KIFAP3: variants seen among roughly 807,000 people sequenced by gnomAD.
KIFAP3 encodes the protein kinesin-associated protein 3.
In KIFAP3, 68 loss-of-function variants were observed where a neutral mutation model predicts 106.5. That is an observed-to-expected ratio of 0.64 (90% CI 0.53 to 0.78). The LOEUF is 0.78. KIFAP3 is among the 30% of genes least tolerant of loss of function. The pLI is 0.00. For missense variants in KIFAP3, 780 were observed against 941.8 expected (o/e 0.83, Z 2.25); for synonymous variants, 320 against 311.5 (o/e 1.03, Z -0.29).
intron 19 of KIFAP3, among the ~76,000 whole-genome samples, chr1:169,938,375 A>G (rs535049393): frequency 2.0e-5 from 3 of 152,044 alleles, no homozygotes; most frequent in Non-Finnish European, 4.4e-5. Flanking sequence ...ATTTTATAAT[A>G]CAAAGCATAT....
At position 169,993,123 on chromosome 1, in the gene KIFAP3, T is replaced by TC. The variant is rs1447532224; in HGVS notation, c.1184-869dup. ...TTTCTGTCCTTTTTTTTTTTTTTTT[T>TC]CAGAGACAGAGTCTCACTCTGTCGC... On this transcript the variant is annotated intron_variant, in intron 10 of 19. Transcript: ENST00000361580. Among the ~76,000 whole-genome samples, 3 of 149,980 alleles carry TC rather than the reference T, an allele frequency of 2.0e-5. No individual in the cohort carries two copies. The East Asian group carries it at 5.8e-4, about 29-fold the overall frequency.
At chr1:170,005,789 A>G (rs1181833751) in intron 10 of KIFAP3, among the ~76,000 whole-genome samples, 1 of 151,302 alleles carries the variant, frequency 6.6e-6, no homozygotes, top group Non-Finnish European at 1.5e-5. Context: ...GCACACCAAC[A>G]TGGCACATGT....
At chr1:170,056,548 A>G (rs1203641606) in intron 1 of KIFAP3, among the ~76,000 whole-genome samples, 1 of 152,232 alleles carries the variant, frequency 6.6e-6, no homozygotes, top group Non-Finnish European at 1.5e-5. Flanking sequence ...CAGTTAGCTG[A>G]CCAGTGGGGT....
At chr1:169,966,430 T>C (rs530708825) in intron 17 of KIFAP3, among the ~76,000 whole-genome samples, 1 of 146,484 alleles carries the variant, frequency 6.8e-6, no homozygotes, top group Non-Finnish European at 1.5e-5. Context: ...TATGTGTGTA[T>C]GGTTCTTTGT....
chr1:170,062,158 A>G (rs1406085556), intron 1 of KIFAP3, among the ~76,000 whole-genome samples: 2 of 151,930 alleles, frequency 1.3e-5, no homozygotes, highest in East Asian at 1.9e-4. Context: ...AACTTAAAGT[A>G]TAATTTAAAA....
chr1:169,942,919 C>CCT (rs397729541), intron 19 of KIFAP3, among the ~76,000 whole-genome samples: 4 of 110,586 alleles, frequency 3.6e-5, no homozygotes, highest in African/African-American at 1.3e-4. Flanking sequence ...CGCCCCCCCC[C>CCT]ACCCCTTTAA....
intron 10 of KIFAP3, among the ~76,000 whole-genome samples, chr1:170,006,513 T>G (rs1043135814): frequency 2.0e-5 from 3 of 152,082 alleles, no homozygotes; most frequent in African/African-American, 7.2e-5. Context: ...GATGATTACA[T>G]GGAATTTATA....
intron 2 of KIFAP3, among the ~76,000 whole-genome samples, chr1:170,051,307 C>T (rs1670563756): frequency 6.6e-6 from 1 of 152,062 alleles, no homozygotes; most frequent in Admixed American, 6.5e-5. Context: ...AATATATATG[C>T]ACCCAATACA....
intron 19 of KIFAP3, among the ~76,000 whole-genome samples, chr1:169,933,710 T>G (rs375660789): frequency 8.5e-5 from 13 of 152,242 alleles, no homozygotes; most frequent in African/African-American, 3.1e-4. Flanking sequence ...TTTTTTCTTC[T>G]TTGTCACTCA....
chr1:170,007,090 T>C (rs1056831705), intron 10 of KIFAP3, among the ~76,000 whole-genome samples: 1 of 152,172 alleles, frequency 6.6e-6, no homozygotes, highest in Non-Finnish European at 1.5e-5. Flanking sequence ...CTGTAACAAA[T>C]ACTGCTCATA....
chr1:169,942,393 CCTT>C (rs542776090), intron 19 of KIFAP3, among the ~76,000 whole-genome samples: 114 of 152,348 alleles, frequency 7.5e-4, no homozygotes, highest in African/African-American at 2.5e-3. Flanking sequence ...CTCCTGCACA[CCTT>C]CTCCTCTTAG....
At chr1:169,952,427 T>C (rs188899678) in intron 19 of KIFAP3, among the ~76,000 whole-genome samples, 3,259 of 152,082 alleles carry the variant, frequency 0.021, 122 homozygotes, top group African/African-American at 0.071. Context: ...TTTACACATA[T>C]ATATAGGTAG....
chr1:169,936,430 C>T (rs1000802809), intron 19 of KIFAP3, among the ~76,000 whole-genome samples: 6 of 151,778 alleles, frequency 4.0e-5, no homozygotes, highest in East Asian at 3.8e-4. Flanking sequence ...GCTGCTGTTT[C>T]GACTAATCCT....
At chr1:169,987,332 T>C (rs1200638772) in intron 11 of KIFAP3, among the ~76,000 whole-genome samples, 1 of 152,058 alleles carries the variant, frequency 6.6e-6, no homozygotes, top group Non-Finnish European at 1.5e-5. Flanking sequence ...AAGTCCCATA[T>C]TGAGTATCAG....
At chr1:170,010,265 T>C (rs1668178443) in intron 10 of KIFAP3, among the ~76,000 whole-genome samples, 1 of 152,036 alleles carries the variant, frequency 6.6e-6, no homozygotes, top group African/African-American at 2.4e-5. Flanking sequence ...TTAGATTTTC[T>C]GCACTCTTAG....
intron 19 of KIFAP3, among the ~76,000 whole-genome samples, chr1:169,928,302 C>T (rs1477157971): frequency 6.6e-6 from 1 of 152,024 alleles, no homozygotes; most frequent in Non-Finnish European, 1.5e-5. Flanking sequence ...GTTTCAGCAT[C>T]TTGGCCAGGC....
rs769527141 is a variant in KIFAP3, at chr1:169,983,276, C to G, written c.1500G>C (p.Leu500=). Residue 500 remains leucine (L), a synonymous_variant, in exon 13 of 20, where the codon CTG becomes CTC. Transcript: ENST00000361580. ...AAGCCAAAATGATACTTACAATAAA[C>G]AGATTTTTAGTTGGTCCATCATGCT... is the stretch of plus-strand genomic sequence containing the variant. ...ISQHDGPTKN[L]FIDYVGDLAA... 5.7e-6 allele frequency: 9 copies of G among 1,583,918 alleles called. No individual in the cohort carries two copies. In the Middle Eastern group the frequency reaches 5.0e-4, roughly 88 times the overall value.
Position 169,992,165 on chromosome 1 carries a change from C to A in KIFAP3, c.1274G>T (p.Cys425Phe). Residue 425 changes from cysteine to phenylalanine, a missense_variant, in exon 11 of 20, where the codon TGT becomes TTT. This residue lies in a region of KIFAP3 where 588 missense variants were observed against 678.9 expected (regional missense o/e 0.87). Coordinates refer to ENST00000361580, the MANE Select transcript of KIFAP3 (RefSeq NM_014970.4). The stretch of plus-strand genomic sequence containing the variant: ...ACTTAAACCACTTACCTGTGGTATA[C>A]AGTCAGTGTATGCAAACATTGATTT... The part of the protein sequence containing the change: ...RFKSMFAYTD[C>F]IPQLMKMLFE... 6.6e-7 allele frequency: 1 copy of A among 1,504,896 alleles called. No individual in the cohort carries two copies. Among genetic ancestry groups the A allele is most frequent in the Non-Finnish European group, 9.0e-7 (1 of 1,114,802 alleles). The allele number at this position is 1,504,896 out of a possible 1,614,324, so 93.2% of individuals were successfully genotyped here. A position where few individuals can be genotyped will look rare whatever the true frequency, so the allele number is the denominator to read the frequency against.
intron 11 of KIFAP3, among the ~76,000 whole-genome samples, chr1:169,991,664 C>T (rs72715931): frequency 1.8e-3 from 277 of 152,040 alleles, no homozygotes; most frequent in South Asian, 8.1e-3. Context: ...AATTCAGAGA[C>T]GTGGGGAAGC....
Sources: allele counts gnomAD v4.1 joint callset (sites outside exome capture counted in the v4.1 genomes callset), GRCh38; gene constraint gnomAD v4.1.1; regional missense constraint gnomAD v4.1.1; transcripts MANE v1.5; gene names NCBI Gene and HGNC (gene_info 2026-07-23, HGNC 2026-07-21).